Variants in CCDC91 observed in about 807,000 individuals in gnomAD.
CCDC91 encodes the protein coiled-coil domain containing 91, also known as coiled-coil domain-containing protein 91.
In CCDC91, 48 loss-of-function variants were observed where a neutral mutation model predicts 63.2. The ratio of observed to expected loss-of-function variants is 0.76; its 90% CI spans 0.60 to 0.97. The LOEUF is 0.97. CCDC91 is among the 50% of genes least tolerant of loss of function. The pLI is 0.00. For synonymous variants in CCDC91, 167 were observed against 165.8 expected (o/e 1.01, Z -0.06); for missense variants, 500 against 494.6 (o/e 1.01, Z -0.10).
intron 7 of CCDC91, among the ~76,000 whole-genome samples, chr12:28,380,354 A>T (rs1945223432): frequency 6.6e-6 from 1 of 152,050 alleles, no homozygotes; most frequent in South Asian, 2.1e-4. Context: ...GAGTTTAGTT[A>T]GTTGTTTCAG....
chr12:28,491,123 C>T (rs1041662209), intron 12 of CCDC91, among the ~76,000 whole-genome samples: 2 of 150,560 alleles, frequency 1.3e-5, no homozygotes, highest in Non-Finnish European at 3.0e-5. Context: ...GGATTCTAAT[C>T]GAAGTACAGT....
chr12:28,468,320 G>A (rs1950641816), intron 11 of CCDC91, among the ~76,000 whole-genome samples: 1 of 151,296 alleles, frequency 6.6e-6, no homozygotes, highest in African/African-American at 2.4e-5. Flanking sequence ...GCAACTATTT[G>A]CCTATAAATC....
intron 11 of CCDC91, among the ~76,000 whole-genome samples, chr12:28,483,473 A>C (rs1374428764): frequency 6.6e-6 from 1 of 152,030 alleles, no homozygotes; most frequent in Non-Finnish European, 1.5e-5. Context: ...CCTGATTACT[A>C]TTTCAATAAA....
At chr12:28,476,801 C>G (rs964754392) in intron 11 of CCDC91, among the ~76,000 whole-genome samples, 1 of 151,966 alleles carries the variant, frequency 6.6e-6, no homozygotes, top group Admixed American at 6.6e-5. Context: ...ACCACCGATC[C>G]CACAGAAATA....
At chr12:28,311,365 G>A (rs1939301820) in intron 6 of CCDC91, among the ~76,000 whole-genome samples, 1 of 152,052 alleles carries the variant, frequency 6.6e-6, no homozygotes. Flanking sequence ...CAGGAAAGGA[G>A]GGAGAGAGAG....
At chr12:28,307,974 G>T (rs1938923025) in intron 6 of CCDC91, among the ~76,000 whole-genome samples, 1 of 151,962 alleles carries the variant, frequency 6.6e-6, no homozygotes, top group African/African-American at 2.4e-5. Flanking sequence ...AAACAATTTG[G>T]TAAGAAATAT....
intron 3 of CCDC91, among the ~76,000 whole-genome samples, chr12:28,266,890 A>G (rs897943747): frequency 9.2e-5 from 14 of 151,914 alleles, no homozygotes; most frequent in African/African-American, 3.1e-4. Context: ...CCCACCAAAA[A>G]AAACCACTGG....
chr12:28,202,878 C>CCT (rs1177273076), intron 1 of CCDC91, among the ~76,000 whole-genome samples: 1 of 152,230 alleles, frequency 6.6e-6, no homozygotes, highest in African/African-American at 2.4e-5. Context: ...GTTACTGCCA[C>CCT]CTCAGGCAAG....
At chr12:28,244,538 CTT>C (rs1487908681) in intron 1 of CCDC91, among the ~76,000 whole-genome samples, 65 of 79,752 alleles carry the variant, frequency 8.2e-4, no homozygotes, top group African/African-American at 3.2e-3. Flanking sequence ...CAGCTCTACT[CTT>C]TTCAGTGCCT....
intron 3 of CCDC91, among the ~76,000 whole-genome samples, chr12:28,290,188 C>G (rs1483608944): frequency 1.3e-5 from 2 of 152,034 alleles, no homozygotes; most frequent in African/African-American, 4.8e-5. Context: ...AATCTGGGTG[C>G]TCCTGTGTTG....
chr12:28,243,196 C>T (rs1945462674), intron 1 of CCDC91, among the ~76,000 whole-genome samples: 1 of 152,192 alleles, frequency 6.6e-6, no homozygotes, highest in African/African-American at 2.4e-5. Context: ...CTTATCTGGG[C>T]AGTCCGTGCA....
At chr12:28,374,468 TA>T (rs1944821868) in intron 7 of CCDC91, among the ~76,000 whole-genome samples, 1 of 152,172 alleles carries the variant, frequency 6.6e-6, no homozygotes, top group African/African-American at 2.4e-5. Context: ...GTTTATCATT[TA>T]AAAAATTGCT....
At chr12:28,322,732 A>G (rs1342285390) in intron 6 of CCDC91, among the ~76,000 whole-genome samples, 2 of 151,756 alleles carry the variant, frequency 1.3e-5, no homozygotes, top group African/African-American at 4.8e-5. Flanking sequence ...CTATAATTTT[A>G]TACTTTATGG....
intron 8 of CCDC91, among the ~76,000 whole-genome samples, chr12:28,392,050 GAAATA>G (rs78832659): frequency 0.2 from 30,575 of 151,916 alleles, 4,001 homozygotes; most frequent in Non-Finnish European, 0.3. Flanking sequence ...TGAGAATTAA[GAAATA>G]AAATTAGGAG....
chr12:28,357,892 GTTA>G (rs1249402909), intron 6 of CCDC91, among the ~76,000 whole-genome samples: 1 of 152,118 alleles, frequency 6.6e-6, no homozygotes, highest in Non-Finnish European at 1.5e-5. Flanking sequence ...TTGAAAGAAA[GTTA>G]TTATTGTGGT....
chr12:28,544,456 A>G (rs1178133981), intron 12 of CCDC91, among the ~76,000 whole-genome samples: 1 of 151,980 alleles, frequency 6.6e-6, no homozygotes, highest in African/African-American at 2.4e-5. Context: ...GGAAAAATGA[A>G]GTCATTTTTA....
At chr12:28,542,365 CTG>C (rs1942688513) in intron 12 of CCDC91, among the ~76,000 whole-genome samples, 1 of 152,082 alleles carries the variant, frequency 6.6e-6, no homozygotes, top group African/African-American at 2.4e-5. Flanking sequence ...AAAAGAGCAT[CTG>C]TAATTCATCT....
chr12:28,223,600 C>G (rs148882841), intron 1 of CCDC91, among the ~76,000 whole-genome samples: 15 of 152,136 alleles, frequency 9.9e-5, no homozygotes, highest in African/African-American at 3.6e-4. Context: ...TGAAACTTAC[C>G]TCAATATTTT....
chr12:28,315,700 A>G (rs1939786982), intron 6 of CCDC91, among the ~76,000 whole-genome samples: 2 of 152,008 alleles, frequency 1.3e-5, no homozygotes, highest in African/African-American at 4.8e-5. Flanking sequence ...AAGTGATTCA[A>G]ACATCAAAAA....
Sources: gnomAD v4.1 joint callset for allele counts (sites outside exome capture counted in the v4.1 genomes callset) on GRCh38, gnomAD v4.1.1 for gene constraint, MANE v1.5 for transcripts, NCBI Gene and HGNC (gene_info 2026-07-23, HGNC 2026-07-21) for gene names.